The following SGMS2 variants were observed in gnomAD, a reference collection of about 807,000 sequenced individuals.
The protein encoded by SGMS2 is sphingomyelin synthase 2, also known as phosphatidylcholine:ceramide cholinephosphotransferase 2.
A neutral mutation model predicts 43.8 loss-of-function variants in SGMS2; 21 were observed. That is an observed-to-expected ratio of 0.48 (90% CI 0.34 to 0.69). The LOEUF (loss-of-function observed/expected upper bound fraction) is 0.69, where lower values mean the gene tolerates loss of function less well. SGMS2 is among the 30% of genes least tolerant of loss of function. The pLI is 0.01. For missense variants in SGMS2, 384 were observed against 443.2 expected (o/e 0.87, Z 1.20); for synonymous variants, 167 against 160.6 (o/e 1.04, Z -0.30).
At chr4:107,841,848 G>A (rs942036742) in intron 1 of SGMS2, among the ~76,000 whole-genome samples, 2 of 151,892 alleles carry the variant, frequency 1.3e-5, no homozygotes, top group African/African-American at 4.8e-5. Flanking sequence ...ATAGGGTCTT[G>A]CACTGTTGCC....
intron 5 of SGMS2, among the ~76,000 whole-genome samples, chr4:107,905,230 T>C (rs574397392): frequency 1.1e-4 from 17 of 152,228 alleles, no homozygotes; most frequent in South Asian, 4.2e-4. Context: ...AAAGGCATGT[T>C]TTACATGGCA....
chr4:107,878,786 A>T (rs1264029484), intron 2 of SGMS2, among the ~76,000 whole-genome samples: 2 of 152,188 alleles, frequency 1.3e-5, no homozygotes, highest in Non-Finnish European at 2.9e-5. Context: ...AATCAGATTT[A>T]ATCATTAAAT....
At chr4:107,856,228 A>G (rs1241223064) in intron 1 of SGMS2, among the ~76,000 whole-genome samples, 1 of 152,230 alleles carries the variant, frequency 6.6e-6, no homozygotes, top group Non-Finnish European at 1.5e-5. Context: ...CATTCTACAT[A>G]TACTTTAAAA....
chr4:107,910,285 G>A lies in SGMS2; in HGVS notation c.895-65G>A. Reference sequence around the variant, plus strand: ...TAGGTTACAGTGAATGACAATTTAAGAAAATAATTGGGATGCAAATTGAGA... The same window carrying A: ...TAGGTTACAGTGAATGACAATTTAAAAAAATAATTGGGATGCAAATTGAGA... On this transcript the variant is annotated intron_variant, in intron 6 of 6. Coordinates refer to ENST00000690982, the MANE Select transcript of SGMS2 (RefSeq NM_001375905.1). 6 of 1,374,126 alleles carry A rather than the reference G, an allele frequency of 4.4e-6. No homozygotes were observed. The South Asian group carries it at 7.3e-5, about 17-fold the overall frequency. 85.1% of individuals were successfully genotyped at this position (1,374,126 alleles called of 1,614,324 possible). A position where few individuals can be genotyped will look rare whatever the true frequency, so the allele number is the denominator to read the frequency against.
chr4:107,848,784 A>G (rs748341755), intron 1 of SGMS2, among the ~76,000 whole-genome samples: 1 of 152,112 alleles, frequency 6.6e-6, no homozygotes, highest in Non-Finnish European at 1.5e-5. Context: ...TAGGAGCTCT[A>G]TTTATATTTA....
intron 2 of SGMS2, among the ~76,000 whole-genome samples, chr4:107,895,104 C>T (rs1257791462): frequency 6.6e-6 from 1 of 152,140 alleles, no homozygotes. Context: ...CCAATACTAG[C>T]TCAAAAAGAG....
chr4:107,832,400 T>C (rs1166429371), intron 1 of SGMS2, among the ~76,000 whole-genome samples: 1 of 152,214 alleles, frequency 6.6e-6, no homozygotes, highest in Non-Finnish European at 1.5e-5. Context: ...TCAGGGTTTG[T>C]TCTAAGTACT....
At chr4:107,826,877 C>T (rs1021519163) in intron 1 of SGMS2, among the ~76,000 whole-genome samples, 1 of 152,164 alleles carries the variant, frequency 6.6e-6, no homozygotes, top group African/African-American at 2.4e-5. Context: ...CTTACCATAA[C>T]TATAACAACT....
Position 107,899,607 on chromosome 4 carries a change from T to C in SGMS2, c.488T>C (p.Ile163Thr), listed in dbSNP as rs778791219. Reference protein sequence around the residue: ...SIVGRRFCFIIGTLYLYRCIT... With the variant: ...SIVGRRFCFITGTLYLYRCIT... ...GTGGGACGCAGATTCTGTTTTATTA[T>C]TGGAACTTTATACCTGTATCGCTGC... The change falls in exon 4 of 7, where the codon ATT (isoleucine) becomes ACT (threonine). Residue 163 changes from isoleucine (I) to threonine (T), a missense_variant. Ile to Thr is a moderately conservative substitution (Grantham distance 89, BLOSUM62 -1). Transcript: ENST00000690982. 6.2e-7 allele frequency: 1 copy of C among 1,612,364 alleles called. No individual in the cohort carries two copies. Among genetic ancestry groups the C allele is most frequent in the Non-Finnish European group, 8.5e-7 (1 of 1,179,326 alleles).
At chr4:107,866,202 A>G (rs980033622) in intron 2 of SGMS2, among the ~76,000 whole-genome samples, 7 of 152,182 alleles carry the variant, frequency 4.6e-5, no homozygotes, top group Non-Finnish European at 8.8e-5. Context: ...TTATTGATTA[A>G]TAGTAAATTC....
chr4:107,908,022 T>C (rs1362670067), intron 5 of SGMS2: 1 of 153,072 alleles, frequency 6.5e-6, no homozygotes, highest in Non-Finnish European at 1.5e-5. Context: ...GCAATAACAG[T>C]GTAAAATTGC....
At chr4:107,829,559 C>T (rs1725773047) in intron 1 of SGMS2, among the ~76,000 whole-genome samples, 1 of 151,894 alleles carries the variant, frequency 6.6e-6, no homozygotes, top group Non-Finnish European at 1.5e-5. Context: ...AATTGGTTTC[C>T]CCTCTATTGA....
chr4:107,845,557 G>T (rs1726760450), intron 1 of SGMS2, among the ~76,000 whole-genome samples: 1 of 152,210 alleles, frequency 6.6e-6, no homozygotes, highest in South Asian at 2.1e-4. Flanking sequence ...TTGAGAAAAG[G>T]TTTTAAACAA....
At chr4:107,906,354 ATAT>A (rs1375952676) in intron 5 of SGMS2, among the ~76,000 whole-genome samples, 1 of 152,022 alleles carries the variant, frequency 6.6e-6, no homozygotes, top group African/African-American at 2.4e-5. Context: ...AGTCGTGCAA[ATAT>A]TATAATTGGG....
chr4:107,862,010 A>G (rs1727760831), intron 2 of SGMS2, among the ~76,000 whole-genome samples: 1 of 152,250 alleles, frequency 6.6e-6, no homozygotes, highest in African/African-American at 2.4e-5. Flanking sequence ...TTGTTTCTAT[A>G]GCAGGCATGT....
chr4:107,873,814 A>G (rs1728718394), intron 2 of SGMS2, among the ~76,000 whole-genome samples: 1 of 152,108 alleles, frequency 6.6e-6, no homozygotes. Context: ...TTTTCATCCA[A>G]ATACTCAGGA....
At chr4:107,829,037 A>G (rs1041930549) in intron 1 of SGMS2, among the ~76,000 whole-genome samples, 37 of 152,364 alleles carry the variant, frequency 2.4e-4, no homozygotes, top group African/African-American at 8.4e-4. Context: ...AGGACATTCT[A>G]CTTCTACACT....
chr4:107,829,064 A>G (rs1014599799), intron 1 of SGMS2, among the ~76,000 whole-genome samples: 1 of 152,298 alleles, frequency 6.6e-6, no homozygotes, highest in Admixed American at 6.5e-5. Flanking sequence ...AAGCATTAGA[A>G]CCCAGTGAGA....
At chr4:107,892,843 G>C (rs1730344332) in intron 2 of SGMS2, among the ~76,000 whole-genome samples, 1 of 152,132 alleles carries the variant, frequency 6.6e-6, no homozygotes, top group African/African-American at 2.4e-5. Flanking sequence ...GCCCTAAGCA[G>C]TTCCCAGCTT....
Sources: allele counts gnomAD v4.1 joint callset (sites outside exome capture counted in the v4.1 genomes callset), GRCh38; gene constraint gnomAD v4.1.1; transcripts MANE v1.5; gene names NCBI Gene and HGNC (gene_info 2026-07-23, HGNC 2026-07-21).